The following GSE1 variants were observed in gnomAD, a reference collection of about 807,000 sequenced individuals.
GSE1 encodes the protein genetic suppressor element 1.
A neutral mutation model predicts 112.6 loss-of-function variants in GSE1; 32 were observed. The ratio of observed to expected loss-of-function variants is 0.28; its 90% CI spans 0.21 to 0.38. The LOEUF is 0.38. GSE1 is among the 10% of genes least tolerant of loss of function. The probability of loss-of-function intolerance (pLI) is 1.00; values close to 1 mark genes in which losing one functional copy is unlikely to be tolerated. For synonymous variants in GSE1, 1,115 were observed against 735.6 expected (o/e 1.52, Z -8.35); for missense variants, 2,348 against 1,699.2 (o/e 1.38, Z -6.71).
chr16:85,212,635 T>A (rs1338363735), intron 1 of GSE1, among the ~76,000 whole-genome samples: 1 of 152,084 alleles, frequency 6.6e-6, no homozygotes, highest in Non-Finnish European at 1.5e-5. Flanking sequence ...CCCAGAACTG[T>A]GAGAAAATAC....
chr16:85,350,497 G>C (rs571002048), intron 1 of GSE1, among the ~76,000 whole-genome samples: 4 of 152,154 alleles, frequency 2.6e-5, no homozygotes, highest in Non-Finnish European at 4.4e-5. Flanking sequence ...CCTGCCAGCT[G>C]GAGCCGAAAC....
intron 2 of GSE1, among the ~76,000 whole-genome samples, chr16:85,360,128 T>A (rs1343353048): frequency 2.0e-5 from 3 of 151,860 alleles, no homozygotes; most frequent in Non-Finnish European, 2.9e-5. Context: ...TTGGAGACCT[T>A]TGGGGATGGG....
intron 2 of GSE1, 103 bp downstream of exon 2, chr16:85,634,235 T>A (rs1272538722): frequency 2.5e-6 from 2 of 794,804 alleles, no homozygotes; most frequent in East Asian, 6.7e-5. Context: ...GTCTCGTCTT[T>A]CCCACGCCGT....
intron 13 of GSE1, among the ~76,000 whole-genome samples, chr16:85,667,278 G>C (rs566301779): frequency 6.6e-6 from 1 of 151,500 alleles, no homozygotes; most frequent in African/African-American, 2.5e-5. Context: ...GTTTCCTCTA[G>C]ATTTTAGTCA....
At chr16:85,294,448 C>T (rs997178324) in intron 1 of GSE1, among the ~76,000 whole-genome samples, 2 of 152,082 alleles carry the variant, frequency 1.3e-5, no homozygotes, top group Non-Finnish European at 2.9e-5. Flanking sequence ...GTTCGTGTTC[C>T]GTCAATGGAG....
At chr16:85,565,435 C>T (rs1164234174) in intron 1 of GSE1, among the ~76,000 whole-genome samples, 1 of 151,714 alleles carries the variant, frequency 6.6e-6, no homozygotes, top group Non-Finnish European at 1.5e-5. Flanking sequence ...CACCAACCAA[C>T]CCCCTGTGCT....
intron 1 of GSE1, among the ~76,000 whole-genome samples, chr16:85,352,376 C>T (rs1001230817): frequency 5.9e-5 from 9 of 152,318 alleles, no homozygotes; most frequent in Non-Finnish European, 1.2e-4. Flanking sequence ...CAGGGAAATT[C>T]AGGAAACAAT....
intron 1 of GSE1, among the ~76,000 whole-genome samples, chr16:85,317,147 C>G (rs1474347709): frequency 4.6e-5 from 7 of 152,218 alleles, no homozygotes; most frequent in African/African-American, 1.7e-4. Flanking sequence ...CCATGCCTGG[C>G]TCTGAAGATC....
At chr16:85,519,097 A>G (rs981244362) in intron 2 of GSE1, among the ~76,000 whole-genome samples, 38 of 152,218 alleles carry the variant, frequency 2.5e-4, no homozygotes, top group Non-Finnish European at 4.4e-4. Context: ...TAATGAAGCC[A>G]CTACCTCATA....
At position 85,655,744 on chromosome 16, in the gene GSE1, C is replaced by T; in HGVS notation, c.816C>T (p.Cys272=). ...HPAFRMDDSY[C]LSALRSPFYP... ...TGCACAGGATGGACGACTCCTACTG[C>T]CTGTCTGCCCTGAGGTCCCCGTTCT... Residue 272 remains cysteine (C), a synonymous_variant, in exon 6 of 16, where the codon TGC becomes TGT. Coordinates refer to ENST00000253458, the MANE Select transcript of GSE1 (RefSeq NM_014615.5). The T allele has an allele frequency of 6.2e-7, 1 of 1,605,702 alleles. No individual in the cohort carries two copies. The highest frequency in any genetic ancestry group is 1.1e-5 in the South Asian group (1 of 90,040).
intron 1 of GSE1, among the ~76,000 whole-genome samples, chr16:85,617,463 C>G (rs1365387053): frequency 6.6e-6 from 1 of 152,092 alleles, no homozygotes; most frequent in African/African-American, 2.4e-5. Flanking sequence ...GAGCCTCCAG[C>G]TCGGGGGTCT....
intron 2 of GSE1, among the ~76,000 whole-genome samples, chr16:85,401,046 C>G (rs1248170952): frequency 6.6e-6 from 1 of 152,152 alleles, no homozygotes; most frequent in Non-Finnish European, 1.5e-5. Flanking sequence ...CCCACGAAGA[C>G]CTCCGCGTGG....
chr16:85,226,356 T>G (rs1190704592), intron 1 of GSE1, among the ~76,000 whole-genome samples: 3 of 152,258 alleles, frequency 2.0e-5, no homozygotes, highest in African/African-American at 7.2e-5. Context: ...TTTTAATTTA[T>G]TTAAGCTTAA....
intron 1 of GSE1, among the ~76,000 whole-genome samples, chr16:85,253,243 C>T (rs918773274): frequency 6.6e-5 from 10 of 152,182 alleles, no homozygotes; most frequent in Non-Finnish European, 1.5e-4. Context: ...ACCCGCCTGG[C>T]TTGCTGGGTG....
chr16:85,199,861 G>A (rs2074996579), intron 1 of GSE1, among the ~76,000 whole-genome samples: 1 of 152,150 alleles, frequency 6.6e-6, no homozygotes. Flanking sequence ...GGCTGGGAGA[G>A]CAGGGAGGGG....
chr16:85,457,204 G>A (rs970665610), intron 2 of GSE1, among the ~76,000 whole-genome samples: 1 of 152,226 alleles, frequency 6.6e-6, no homozygotes, highest in Non-Finnish European at 1.5e-5. Flanking sequence ...TAAGGATGAG[G>A]AGAGTGGAAG....
exon 1 of GSE1, chr16:85,169,525 A>G (rs2074326373): frequency 1.1e-6 from 1 of 872,724 alleles, no homozygotes; most frequent in Non-Finnish European, 1.4e-6. Context: ...CGGCGCGGCC[A>G]TGAGCGGGCG....
intron 1 of GSE1, among the ~76,000 whole-genome samples, chr16:85,630,700 T>A (rs2049472356): frequency 6.6e-6 from 1 of 152,190 alleles, no homozygotes; most frequent in Non-Finnish European, 1.5e-5. Flanking sequence ...TCTGATCGGG[T>A]GCCATGGTTG....
chr16:85,391,395 C>A (rs2047835918), intron 2 of GSE1, among the ~76,000 whole-genome samples: 1 of 152,226 alleles, frequency 6.6e-6, no homozygotes, highest in Non-Finnish European at 1.5e-5. Flanking sequence ...AACTGGGGAG[C>A]TGAAAGATTT....
Sources: allele counts gnomAD v4.1 joint callset (sites outside exome capture counted in the v4.1 genomes callset), GRCh38; gene constraint gnomAD v4.1.1; transcripts MANE v1.5; gene names NCBI Gene and HGNC (gene_info 2026-07-23, HGNC 2026-07-21).